Variants in XYLB observed in about 807,000 individuals in gnomAD.
XYLB encodes xylulose kinase.
Under a neutral mutation model 78.7 loss-of-function variants are expected in XYLB, and 62 were observed. The ratio of observed to expected loss-of-function variants is 0.79; its 90% CI spans 0.64 to 0.97. The LOEUF (loss-of-function observed/expected upper bound fraction) is 0.97, where lower values mean the gene tolerates loss of function less well. XYLB is among the 50% of genes least tolerant of loss of function. The pLI is 0.00. For synonymous variants in XYLB, 245 were observed against 247.4 expected (o/e 0.99, Z 0.09); for missense variants, 687 against 676.8 (o/e 1.02, Z -0.17).
intron 15 of XYLB, among the ~76,000 whole-genome samples, chr3:38,395,181 G>A (rs1365257295): frequency 6.6e-6 from 1 of 152,178 alleles, no homozygotes; most frequent in African/African-American, 2.4e-5. Context: ...CTAAATCTCT[G>A]TTAAGAATGA....
chr3:38,426,296 T>C (rs1709098290), downstream of XYLB, among the ~76,000 whole-genome samples: 1 of 152,252 alleles, frequency 6.6e-6, no homozygotes, highest in Admixed American at 6.5e-5. Context: ...GTAGTTAGTC[T>C]AGAATATAGA....
At chr3:38,347,228 A>C (rs966844955) in intron 1 of XYLB, among the ~76,000 whole-genome samples, 4 of 152,206 alleles carry the variant, frequency 2.6e-5, no homozygotes, top group Non-Finnish European at 4.4e-5. Context: ...GAGGGGCCGG[A>C]GGACTCGGCG....
intron 2 of XYLB, among the ~76,000 whole-genome samples, chr3:38,352,891 C>T (rs1705443340): frequency 1.3e-5 from 2 of 152,106 alleles, no homozygotes; most frequent in Admixed American, 1.3e-4. Flanking sequence ...GATGAGCTCA[C>T]AGGTGGGATT....
the XYLB span, among the ~76,000 whole-genome samples, chr3:38,441,191 C>G: frequency 1.3e-5 from 2 of 152,256 alleles, no homozygotes; most frequent in Admixed American, 1.3e-4. Flanking sequence ...AGGTTAGGAA[C>G]TCCCTTTCTT....
chr3:38,403,623 C>T (rs796462076), intron 18 of XYLB, among the ~76,000 whole-genome samples: 3 of 152,174 alleles, frequency 2.0e-5, no homozygotes, highest in Non-Finnish European at 2.9e-5. Context: ...ATCCCACACA[C>T]GCCCAACAGG....
chr3:38,415,373 G>C (rs796709708), downstream of XYLB, among the ~76,000 whole-genome samples: 1 of 152,190 alleles, frequency 6.6e-6, no homozygotes, highest in Non-Finnish European at 1.5e-5. Flanking sequence ...AGATGATTGG[G>C]GAAACTTGAG....
chr3:38,414,347 C>T lies in XYLB; in HGVS notation c.*1334C>T, dbSNP rs954690460. ...CTTTGGAGGCATGGTGGATGAAAGG[C>T]GCAAAGGAAGCAAGAGGTTAAAGAT... is the stretch of plus-strand genomic sequence containing the variant. On this transcript the variant is annotated 3_prime_UTR_variant, in exon 19 of 19. Coordinates refer to ENST00000207870, the MANE Select transcript of XYLB (RefSeq NM_005108.4). The T allele has an allele frequency of 2.0e-5, 3 of 152,022 alleles. No individual in the cohort carries two copies. The highest frequency in any genetic ancestry group is 2.9e-5 in the Non-Finnish European group (2 of 68,050). 9.4% of individuals were successfully genotyped at this position (152,022 alleles called of 1,614,324 possible). A position where few individuals can be genotyped will look rare whatever the true frequency, so the allele number is the denominator to read the frequency against.
chr3:38,381,584 G>T (rs1049161229), intron 15 of XYLB, among the ~76,000 whole-genome samples: 2 of 152,204 alleles, frequency 1.3e-5, no homozygotes, highest in Non-Finnish European at 2.9e-5. Context: ...CTTTTTCTCA[G>T]CATGGAACAT....
rs1023552254 is a variant in XYLB at position 38,354,193 on chromosome 3, C to A, written c.140+5561C>A. ...GGTTCAAGTGATTCTTCTGCCTCAG[C>A]CTCCTGAGTAATTGGGATTACAGGC... is the stretch of plus-strand genomic sequence containing the variant. On this transcript the variant is annotated intron_variant, in intron 2 of 18. Transcript: ENST00000207870. 2.6e-4 allele frequency among the ~76,000 whole-genome samples: 39 copies of A among 152,126 alleles called. No individual in the cohort carries two copies. In the Middle Eastern group the frequency reaches 0.014, roughly 53 times the overall value.
At chr3:38,379,880 A>G (rs1559596798) in intron 15 of XYLB, among the ~76,000 whole-genome samples, 1 of 152,176 alleles carries the variant, frequency 6.6e-6, no homozygotes, top group East Asian at 1.9e-4. Context: ...GGTAATTTAT[A>G]AGGAAAAGAA....
At chr3:38,443,934 A>T in the XYLB span, among the ~76,000 whole-genome samples, 1 of 152,122 alleles carries the variant, frequency 6.6e-6, no homozygotes, top group Non-Finnish European at 1.5e-5. Flanking sequence ...AGTCCCCATG[A>T]TCTGAGTCTA....
At chr3:38,438,498 A>G in the XYLB span, among the ~76,000 whole-genome samples, 1 of 152,242 alleles carries the variant, frequency 6.6e-6, no homozygotes, top group Admixed American at 6.5e-5. Context: ...CAGAATTAGA[A>G]AAAACAATCT....
At chr3:38,423,944 A>C (rs1455754891), downstream of XYLB, among the ~76,000 whole-genome samples, 1 of 152,196 alleles carries the variant, frequency 6.6e-6, no homozygotes, top group African/African-American at 2.4e-5. Context: ...GGATCAATTG[A>C]AAACATTGAA....
In XYLB at chr3:38,370,174, G is replaced by A. The variant is rs1433603593; in HGVS notation, c.765G>A (p.Val255=). The A allele has an allele frequency of 6.2e-7, 1 of 1,612,866 alleles. No individual in the cohort carries two copies. Among genetic ancestry groups the A allele is most frequent in the East Asian group, 2.2e-5 (1 of 44,834 alleles). The change falls in exon 9 of 19, where the codon GTG becomes GTA. Residue 255 remains valine (V), a splice_region_variant and synonymous_variant. Transcript: ENST00000207870. The stretch of plus-strand genomic sequence containing the variant: ...CACCAGTACCATCATGCTCAGTTGT[G>A]GTAGGTCTCCTTTCTGGTGATGTGG... ...LSPPVPSCSV[V]GAISSYYVQR...
chr3:38,382,146 G>A (rs1707177329), intron 15 of XYLB, among the ~76,000 whole-genome samples: 1 of 152,038 alleles, frequency 6.6e-6, no homozygotes, highest in African/African-American at 2.4e-5. Flanking sequence ...TGATTATCGG[G>A]GCAGGTTCCC....
At chr3:38,407,633 A>G (rs1174983385) in intron 18 of XYLB, among the ~76,000 whole-genome samples, 2 of 152,322 alleles carry the variant, frequency 1.3e-5, no homozygotes, top group East Asian at 3.9e-4. Flanking sequence ...TGTATTCAGG[A>G]AACCCATCTC....
Position 38,386,516 on chromosome 3 carries a change from T to A in XYLB, c.1291+7174T>A, listed in dbSNP as rs149426617. Reference sequence around the variant, plus strand: ...ATTACATATCAATTTTTCTTTTTCTTTTCTTTTGTTCTATATGTTCTTTTT... The same window carrying A: ...ATTACATATCAATTTTTCTTTTTCTATTCTTTTGTTCTATATGTTCTTTTT... On this transcript the variant is annotated intron_variant, in intron 15 of 18. Transcript: ENST00000207870. Among the ~76,000 whole-genome samples, 24 of 152,328 alleles carry A rather than the reference T, an allele frequency of 1.6e-4. 1 individual carries two copies. The highest frequency in any genetic ancestry group is 1.2e-3 in the Admixed American group (18 of 15,304).
chr3:38,378,143 G>A (rs1048906749), intron 14 of XYLB, among the ~76,000 whole-genome samples: 1 of 152,266 alleles, frequency 6.6e-6, no homozygotes, highest in Non-Finnish European at 1.5e-5. Flanking sequence ...ATTATGAATG[G>A]AAAGCTTTGT....
chr3:38,382,932 C>G (rs1352434681), intron 15 of XYLB, among the ~76,000 whole-genome samples: 1 of 152,228 alleles, frequency 6.6e-6, no homozygotes, highest in East Asian at 1.9e-4. Context: ...ATACTTGGAA[C>G]CAACAGAGGT....
Sources: allele counts gnomAD v4.1 joint callset (sites outside exome capture counted in the v4.1 genomes callset), GRCh38; gene constraint gnomAD v4.1.1; transcripts MANE v1.5; gene names NCBI Gene and HGNC (gene_info 2026-07-23, HGNC 2026-07-21).